CUX1: variants seen among roughly 807,000 people sequenced by gnomAD.
CUX1 encodes the protein protein CASP.
Under a neutral mutation model 158.8 loss-of-function variants are expected in CUX1, and 31 were observed. That is an observed-to-expected ratio of 0.20 (90% CI 0.15 to 0.26). The LOEUF (loss-of-function observed/expected upper bound fraction) is 0.26, where lower values mean the gene tolerates loss of function less well. Among genes scored for constraint, CUX1 ranks in the 10% least tolerant of loss-of-function variants. CUX1 has a pLI of 1.00. For missense variants in CUX1, 1,589 were observed against 2,014.6 expected (o/e 0.79, Z 4.04); for synonymous variants, 879 against 862.1 (o/e 1.02, Z -0.34).
At chr7:102,149,789 AG>A (rs1398019871) in intron 8 of CUX1, among the ~76,000 whole-genome samples, 1 of 152,128 alleles carries the variant, frequency 6.6e-6, no homozygotes, top group African/African-American at 2.4e-5. Flanking sequence ...CCCCGAGTTA[AG>A]GGGATTCCAG....
At chr7:101,859,454 A>G (rs1797207196) in intron 1 of CUX1, among the ~76,000 whole-genome samples, 1 of 152,142 alleles carries the variant, frequency 6.6e-6, no homozygotes, top group African/African-American at 2.4e-5. Context: ...CTTGCCAAAT[A>G]TTAGCTGTTC....
intron 8 of CUX1, among the ~76,000 whole-genome samples, chr7:102,151,411 G>A (rs1199756277): frequency 6.6e-6 from 1 of 151,974 alleles, no homozygotes; most frequent in African/African-American, 2.4e-5. Flanking sequence ...AAATTAGCCG[G>A]GTGTGGTGGC....
intron 4 of CUX1, among the ~76,000 whole-genome samples, chr7:102,088,773 T>C (rs1024049425): frequency 6.6e-6 from 1 of 152,250 alleles, no homozygotes; most frequent in Non-Finnish European, 1.5e-5. Flanking sequence ...ATACAATTAA[T>C]CTTTTTCTCT....
intron 6 of CUX1, among the ~76,000 whole-genome samples, chr7:102,107,125 T>C (rs1554488695): frequency 2.0e-5 from 3 of 152,262 alleles, no homozygotes; most frequent in African/African-American, 7.2e-5. Context: ...TCTCAGCTAC[T>C]TGGGAGGCTG....
chr7:102,009,178 G>A (rs10488042), intron 2 of CUX1, among the ~76,000 whole-genome samples: 19,631 of 152,200 alleles, frequency 0.13, 1,374 homozygotes, highest in South Asian at 0.17. Context: ...CAGGTGCAAT[G>A]TATAACCTCT....
At chr7:101,944,135 A>G (rs1382451310) in intron 2 of CUX1, among the ~76,000 whole-genome samples, 1 of 152,020 alleles carries the variant, frequency 6.6e-6, no homozygotes, top group African/African-American at 2.4e-5. Flanking sequence ...ATCCATAGGG[A>G]GCCCTGTCCC....
chr7:101,912,259 A>G (rs995908448), intron 1 of CUX1, among the ~76,000 whole-genome samples: 2 of 89,248 alleles, frequency 2.2e-5, no homozygotes, highest in African/African-American at 8.9e-5. Context: ...CTCCTCCTCT[A>G]TCTCCATACG....
At chr7:101,991,619 CGTG>C (rs1016503676) in intron 2 of CUX1, among the ~76,000 whole-genome samples, 1 of 152,024 alleles carries the variant, frequency 6.6e-6, no homozygotes, top group African/African-American at 2.4e-5. Flanking sequence ...ATTAGCTGGA[CGTG>C]GTGGTGTGCA....
chr7:102,170,569 G>GT lies in CUX1; in HGVS notation c.828+20dup, dbSNP rs1563345311. The GT allele has an allele frequency of 3.9e-6, 6 of 1,537,814 alleles. No homozygotes were observed. Among genetic ancestry groups the GT allele is most frequent in the Non-Finnish European group, 5.3e-6 (6 of 1,132,152 alleles). ...AGACGTGGTGGGTAGCCCCGGCCCC[G>GT]TGGGGGACTGTCCCCGCCTGGCCTC... On this transcript the variant is annotated intron_variant, in intron 10 of 23. Coordinates refer to ENST00000292535, the MANE Select transcript of CUX1 (RefSeq NM_181552.4).
chr7:102,248,246 C>T lies in CUX1; in HGVS notation c.3888-166C>T, dbSNP rs1363579345. 2.0e-5 allele frequency among the ~76,000 whole-genome samples: 3 copies of T among 152,174 alleles called. No individual in the cohort carries two copies. Among genetic ancestry groups the T allele is most frequent in the African/African-American group, 7.2e-5 (3 of 41,452 alleles). On this transcript the variant is annotated intron_variant, in intron 23 of 23. Coordinates refer to ENST00000292535, the MANE Select transcript of CUX1 (RefSeq NM_181552.4). This position sits in a 1 kb window ranked among gnomAD's most constrained non-coding sequence, Gnocchi z 5.8. ...AGGCCCGGAGGGGTGGGTGGTGACTCTGGAGAGGGGCTGCCCCGTGGCCCG... is the reference window on the plus strand; with the variant it reads ...AGGCCCGGAGGGGTGGGTGGTGACTTTGGAGAGGGGCTGCCCCGTGGCCCG...
intron 22 of CUX1, among the ~76,000 whole-genome samples, chr7:102,237,346 G>C (rs1799677690): frequency 6.6e-6 from 1 of 151,928 alleles, no homozygotes; most frequent in South Asian, 2.1e-4. Context: ...TCCCGTCCCA[G>C]CTACTCGGGT....
At chr7:101,987,007 C>T (rs1441840946) in intron 2 of CUX1, among the ~76,000 whole-genome samples, 1 of 152,158 alleles carries the variant, frequency 6.6e-6, no homozygotes, top group Non-Finnish European at 1.5e-5. Context: ...CCTCTCTGGG[C>T]TCCTCCTGTG....
At chr7:101,835,504 GGT>G (rs1401701818) in intron 1 of CUX1, among the ~76,000 whole-genome samples, 1 of 152,038 alleles carries the variant, frequency 6.6e-6, no homozygotes, top group African/African-American at 2.4e-5. Flanking sequence ...CATTTTCTTA[GGT>G]GCAATTGCCA....
chr7:101,980,786 GC>G (rs1293925599), intron 2 of CUX1, among the ~76,000 whole-genome samples: 1 of 152,036 alleles, frequency 6.6e-6, no homozygotes, highest in Admixed American at 6.6e-5. Flanking sequence ...CCGAGAACCA[GC>G]CCGCCGTCCG....
intron 4 of CUX1, among the ~76,000 whole-genome samples, chr7:102,071,338 G>A (rs763781564): frequency 4.6e-5 from 7 of 152,114 alleles, no homozygotes; most frequent in East Asian, 1.9e-4. Context: ...GATGGCTTCC[G>A]ATTCTTTATT....
rs10263343 is a variant in CUX1 at position 102,187,606 on chromosome 7, C to T, written c.1018-2207C>T. On this transcript the variant is annotated intron_variant, in intron 11 of 23. Transcript: ENST00000292535. ...CTCTGTCTGCCTTATTCCCAGCCGG[C>T]TCCTATTCTCTGGATATGACCACGT... is the stretch of plus-strand genomic sequence containing the variant. 8.4e-3 allele frequency among the ~76,000 whole-genome samples: 1,282 copies of T among 152,104 alleles called. 10 individuals carry two copies. The highest frequency in any genetic ancestry group is 0.03 in the African/African-American group (1,226 of 41,518).
At chr7:102,121,458 G>C (rs1554493503) in intron 8 of CUX1, among the ~76,000 whole-genome samples, 1 of 151,460 alleles carries the variant, frequency 6.6e-6, no homozygotes, top group Non-Finnish European at 1.5e-5. Flanking sequence ...CGATTCTCCT[G>C]CCTCAGTCTC....
chr7:101,973,332 C>T (rs974942558), intron 2 of CUX1, among the ~76,000 whole-genome samples: 1 of 152,194 alleles, frequency 6.6e-6, no homozygotes, highest in Non-Finnish European at 1.5e-5. Context: ...CACTCACGTT[C>T]ATCACGGCTC....
intron 2 of CUX1, among the ~76,000 whole-genome samples, chr7:101,994,926 C>CA (rs796784920): frequency 0.092 from 4,377 of 47,516 alleles, 120 homozygotes; most frequent in Non-Finnish European, 0.12. Flanking sequence ...CTCATCTCTA[C>CA]AAAAAAAAAA....
Sources: gnomAD v4.1 joint callset for allele counts (sites outside exome capture counted in the v4.1 genomes callset) on GRCh38, gnomAD v4.1.1 for gene constraint, Gnocchi (gnomAD v3.1) non-coding constraint, MANE v1.5 for transcripts, NCBI Gene and HGNC (gene_info 2026-07-23, HGNC 2026-07-21) for gene names.